Variants in ADGRL3 observed in about 807,000 individuals in gnomAD.
The protein encoded by ADGRL3 is adhesion G protein-coupled receptor L3.
ADGRL3 carries 62 observed loss-of-function variants against 153.5 expected under a neutral mutation model. That is an observed-to-expected ratio of 0.40 (90% CI 0.33 to 0.50). The LOEUF is 0.50. Ranked by LOEUF, ADGRL3 falls within the 20% of genes least tolerant of loss-of-function variation. ADGRL3 has a pLI of 0.47. For missense variants in ADGRL3, 1,641 were observed against 1,859.4 expected (o/e 0.88, Z 2.16); for synonymous variants, 710 against 672.5 (o/e 1.06, Z -0.86).
At chr4:61,432,282 G>A (rs1216299684) in intron 2 of ADGRL3, among the ~76,000 whole-genome samples, 1 of 151,996 alleles carries the variant, frequency 6.6e-6, no homozygotes, top group African/African-American at 2.4e-5. Flanking sequence ...CCTTTGCCAC[G>A]TTTCTTTCAT....
chr4:61,836,783 A>G (rs1379099973), intron 9 of ADGRL3, among the ~76,000 whole-genome samples: 1 of 152,114 alleles, frequency 6.6e-6, no homozygotes, highest in Non-Finnish European at 1.5e-5. Flanking sequence ...AATGGTTTCC[A>G]TTTATTCCGT....
At chr4:61,249,601 C>T (rs1379384549) in intron 1 of ADGRL3, among the ~76,000 whole-genome samples, 1 of 152,102 alleles carries the variant, frequency 6.6e-6, no homozygotes, top group Non-Finnish European at 1.5e-5. Flanking sequence ...AGCTAATCAG[C>T]AGCTTTCTAG....
chr4:61,245,782 A>T (rs2149376509), intron 1 of ADGRL3, among the ~76,000 whole-genome samples: 1 of 152,252 alleles, frequency 6.6e-6, no homozygotes, highest in South Asian at 2.1e-4. Flanking sequence ...ATCACTGTGT[A>T]GTAATAGCAT....
intron 23 of ADGRL3, 50 bp from the exon 24 acceptor site, chr4:62,037,681 C>G (rs1725846097): frequency 6.2e-7 from 1 of 1,605,374 alleles, no homozygotes; most frequent in South Asian, 1.1e-5. Flanking sequence ...ACTTTTGTTC[C>G]TACCTGCAAT....
intron 9 of ADGRL3, among the ~76,000 whole-genome samples, chr4:61,867,047 G>C (rs930609614): frequency 6.6e-6 from 1 of 152,114 alleles, no homozygotes; most frequent in Admixed American, 6.5e-5. Flanking sequence ...ATATGTACTT[G>C]GCCTTCAAAT....
Position 61,716,885 on chromosome 4 carries a change from T to C in ADGRL3, c.584-13737T>C, listed in dbSNP as rs1199583400. 5.3e-5 allele frequency among the ~76,000 whole-genome samples: 8 copies of C among 152,260 alleles called. No homozygotes were observed. In the East Asian group the frequency reaches 1.4e-3, roughly 26 times the overall value. On this transcript the variant is annotated intron_variant, in intron 6 of 26. Transcript: ENST00000683033. ...TTATACTGTCTTTCCTTTTATTATG[T>C]AGGCTTTTGATGTTAACTTCCATCA...
At chr4:61,662,992 G>C (rs1294441984) in intron 5 of ADGRL3, among the ~76,000 whole-genome samples, 1 of 152,092 alleles carries the variant, frequency 6.6e-6, no homozygotes, top group African/African-American at 2.4e-5. Context: ...CTGTGGAGAG[G>C]AACTACCCAC....
intron 9 of ADGRL3, among the ~76,000 whole-genome samples, chr4:61,869,962 G>T (rs6823168): frequency 2.2e-5 from 1 of 46,156 alleles, no homozygotes; most frequent in East Asian, 5.5e-4. Flanking sequence ...AAAAAAAAAA[G>T]AGAGAGAGAG....
Position 61,288,448 on chromosome 4 carries a change from C to A in ADGRL3, c.-240+86683C>A, listed in dbSNP as rs1208572039. 2.0e-5 allele frequency among the ~76,000 whole-genome samples: 3 copies of A among 151,872 alleles called. No homozygotes were observed. In the East Asian group the frequency reaches 5.8e-4, roughly 29 times the overall value. On this transcript the variant is annotated intron_variant, in intron 1 of 26. Transcript: ENST00000683033. ...TGTTTCGCTGCTGTTTTTTAAAAAT[C>A]TCTGGTTAAGATGGCTTTCAGATGT...
intron 19 of ADGRL3, 122 bp from the exon 20 acceptor site, chr4:61,996,169 A>G (rs938374427): frequency 7.5e-6 from 5 of 663,660 alleles, no homozygotes; most frequent in East Asian, 2.6e-5. Flanking sequence ...AAGCAATGTA[A>G]TATTTCCTGT....
intron 1 of ADGRL3, among the ~76,000 whole-genome samples, chr4:61,212,750 G>T (rs1740691749): frequency 6.6e-6 from 1 of 152,110 alleles, no homozygotes; most frequent in South Asian, 2.1e-4. Context: ...TTAGTAGAAG[G>T]CCTAATTAGC....
chr4:62,020,363 A>G lies in ADGRL3; in HGVS notation c.3396-8492A>G, dbSNP rs1052955915. 6.6e-5 allele frequency among the ~76,000 whole-genome samples: 10 copies of G among 152,246 alleles called. No individual in the cohort carries two copies. In the East Asian group the frequency reaches 1.2e-3, roughly 18 times the overall value. The stretch of plus-strand genomic sequence containing the variant: ...AAGTACTTCATCTCTTTACATTCCA[A>G]TGACCCTACTTTATCAGCCCCACAG... On this transcript the variant is annotated intron_variant, in intron 21 of 26. Transcript: ENST00000683033.
intron 4 of ADGRL3, among the ~76,000 whole-genome samples, chr4:61,545,103 C>T (rs2098707649): frequency 6.6e-6 from 1 of 152,110 alleles, no homozygotes; most frequent in Admixed American, 6.5e-5. Flanking sequence ...ATTTTTCTTT[C>T]CTTTACTTCT....
At chr4:61,309,858 C>G (rs951868056) in intron 1 of ADGRL3, among the ~76,000 whole-genome samples, 8 of 151,910 alleles carry the variant, frequency 5.3e-5, no homozygotes, top group African/African-American at 1.9e-4. Context: ...TTCTTTGCTG[C>G]CAAAGATATT....
chr4:61,648,370 T>TTTA (rs1553993431), intron 5 of ADGRL3, among the ~76,000 whole-genome samples: 5 of 148,272 alleles, frequency 3.4e-5, no homozygotes, highest in Non-Finnish European at 7.5e-5. Flanking sequence ...TTTTTTTTTT[T>TTTA]AATTTGAAGA....
intron 13 of ADGRL3, among the ~76,000 whole-genome samples, chr4:61,922,692 C>T (rs1037802614): frequency 1.3e-5 from 2 of 152,150 alleles, no homozygotes; most frequent in Admixed American, 6.6e-5. Flanking sequence ...TTAAGAAAAG[C>T]GTAGATTTAT....
intron 1 of ADGRL3, among the ~76,000 whole-genome samples, chr4:61,320,290 C>T (rs768339227): frequency 6.6e-5 from 10 of 152,180 alleles, no homozygotes; most frequent in Middle Eastern, 3.2e-3. Flanking sequence ...CCTAAGGATC[C>T]TTGTTAACAA....
chr4:61,735,639 CTCT>C (rs1330404042), intron 8 of ADGRL3, among the ~76,000 whole-genome samples: 1 of 152,116 alleles, frequency 6.6e-6, no homozygotes, highest in South Asian at 2.1e-4. Flanking sequence ...CCTTTTTTGA[CTCT>C]TAACTGGAAC....
intron 5 of ADGRL3, among the ~76,000 whole-genome samples, chr4:61,591,321 C>G (rs1458702511): frequency 6.6e-6 from 1 of 152,156 alleles, no homozygotes; most frequent in East Asian, 1.9e-4. Context: ...GCAACTGTTG[C>G]AACCACTGCA....
Sources: allele counts gnomAD v4.1 joint callset (sites outside exome capture counted in the v4.1 genomes callset), GRCh38; gene constraint gnomAD v4.1.1; transcripts MANE v1.5; gene names NCBI Gene and HGNC (gene_info 2026-07-23, HGNC 2026-07-21).